C16orf96: variants seen among roughly 807,000 people sequenced by gnomAD.
C16orf96 encodes chromosome 16 open reading frame 96.
Under a neutral mutation model 103.6 loss-of-function variants are expected in C16orf96, and 108 were observed. That is an observed-to-expected ratio of 1.04 (90% CI 0.89 to 1.22). C16orf96 has a LOEUF of 1.22. Among genes scored for constraint, C16orf96 ranks in the 50% most tolerant of loss-of-function variants. The pLI is 0.00. For missense variants in C16orf96, 1,586 were observed against 1,464.2 expected (o/e 1.08, Z -1.36); for synonymous variants, 566 against 593.5 (o/e 0.95, Z 0.67).
intron 1 of C16orf96, among the ~76,000 whole-genome samples, chr16:4,567,510 T>C (rs2059394409): frequency 2.6e-5 from 4 of 151,368 alleles, no homozygotes. Context: ...ATGGTTTTGA[T>C]CTGACCTCAT....
At chr16:4,581,353 G>T (rs2059586720) in intron 7 of C16orf96, among the ~76,000 whole-genome samples, 1 of 149,840 alleles carries the variant, frequency 6.7e-6, no homozygotes, top group African/African-American at 2.5e-5. Flanking sequence ...AATAAAAAGG[G>T]CCAGGCGCGG....
intron 1 of C16orf96, chr16:4,563,027 GCTC>G (rs1289573046): frequency 2.8e-5 from 27 of 968,500 alleles, no homozygotes; most frequent in Non-Finnish European, 4.3e-5. Flanking sequence ...CTCTGCTGCT[GCTC>G]CTCTGTCAGA....
At position 4,593,193 on chromosome 16, in the gene C16orf96, CA is replaced by C; in HGVS notation, c.2775-30del. The C allele has an allele frequency of 6.5e-7, 1 of 1,546,822 alleles. No homozygotes were observed. The highest frequency in any genetic ancestry group is 8.7e-7 in the Non-Finnish European group (1 of 1,143,126). On this transcript the variant is annotated intron_variant, in intron 11 of 15. Transcript: ENST00000444310. The surrounding 1 kb of genome is among the most constrained non-coding windows in gnomAD (Gnocchi z 4.2). ...CTCTGCTGGCCTAGCACGCCTCCCA[CA>C]GCCCCTGCTGTGCCCTTGTCCTCCA...
rs1207125437 is a variant in C16orf96, at chr16:4,556,697, A to G, written c.208A>G (p.Ile70Val). 1.9e-6 allele frequency: 3 copies of G among 1,551,638 alleles called. No homozygotes were observed. Among genetic ancestry groups the G allele is most frequent in the South Asian group, 1.2e-5 (1 of 84,054 alleles). Reference protein sequence around the residue: ...IMPREGDAQPILNPMKRLSNV... With the variant: ...IMPREGDAQPVLNPMKRLSNV... ...GCCCAGGGAAGGAGACGCCCAGCCT[A>G]TCCTCAACCCCATGAAGAGGCTCAG... Residue 70 changes from isoleucine to valine, a missense_variant, in exon 1 of 16, where the codon ATC becomes GTC. Physicochemically the swap from Ile to Val is conservative, Grantham distance 29. Coordinates refer to ENST00000444310, the MANE Select transcript of C16orf96 (RefSeq NM_001145011.2).
the C16orf96 span, among the ~76,000 whole-genome samples, chr16:4,547,137 A>G: frequency 2.0e-5 from 3 of 151,918 alleles, no homozygotes; most frequent in African/African-American, 7.3e-5. Context: ...AAGACCACTT[A>G]TTGTTTTTCT....
intron 7 of C16orf96, among the ~76,000 whole-genome samples, chr16:4,585,988 G>A (rs935752484): frequency 2.0e-5 from 3 of 152,142 alleles, no homozygotes; most frequent in African/African-American, 4.8e-5. Context: ...AGCCAGGCGC[G>A]GTGGCTCACA....
chr16:4,574,633 C>A, intron 2 of C16orf96, 76 bp from the exon 3 acceptor site: 3 of 1,178,670 alleles, frequency 2.5e-6, no homozygotes, highest in Non-Finnish European at 3.7e-6. Context: ...AGCTCTTAGT[C>A]ACCTAGAGCC....
chr16:4,593,229 T>C lies in C16orf96; in HGVS notation c.2780T>C (p.Leu927Pro). Residue 927 changes from leucine (L) to proline (P), a missense_variant, in exon 12 of 16, where the codon CTG becomes CCG. By Grantham distance (98) the Leu-to-Pro change is moderately conservative (BLOSUM62 -3). Coordinates refer to ENST00000444310, the MANE Select transcript of C16orf96 (RefSeq NM_001145011.2). This position sits in a 1 kb window ranked among gnomAD's most constrained non-coding sequence, Gnocchi z 4.2. The part of the protein sequence containing the change: ...RPVEMMTGPQ[L>P]ITIRKAHLLS... Reference sequence around the variant, plus strand: ...GTGCCCTTGTCCTCCAACAGACAGCTGATCACCATCCGCAAAGCCCACCTG... The same window carrying C: ...GTGCCCTTGTCCTCCAACAGACAGCCGATCACCATCCGCAAAGCCCACCTG... The C allele has an allele frequency of 6.4e-7, 1 of 1,551,092 alleles. No homozygotes were observed. Among genetic ancestry groups the C allele is most frequent in the Non-Finnish European group, 8.7e-7 (1 of 1,146,818 alleles).
upstream of C16orf96, among the ~76,000 whole-genome samples, chr16:4,553,727 G>A (rs1047256689): frequency 6.6e-6 from 1 of 152,068 alleles, no homozygotes; most frequent in African/African-American, 2.4e-5. Context: ...CGCCCACTTT[G>A]GCCTCCCAAA....
chr16:4,556,251 A>T (rs1325321869), upstream of C16orf96, among the ~76,000 whole-genome samples: 1 of 152,092 alleles, frequency 6.6e-6, no homozygotes, highest in African/African-American at 2.4e-5. Flanking sequence ...ACCAGGGAGC[A>T]CCTGCCCCAC....
chr16:4,551,893 G>C (rs1326927504), upstream of C16orf96, among the ~76,000 whole-genome samples: 5 of 152,056 alleles, frequency 3.3e-5, no homozygotes, highest in Non-Finnish European at 7.4e-5. Flanking sequence ...TATTTGTCCT[G>C]ATGCTCTCCC....
chr16:4,556,500 C>T lies in C16orf96; in HGVS notation c.11C>T (p.Ser4Leu), dbSNP rs2059263385. MSF[S>L]LTFTELANIA... ...ACCCACCCTGGCAGGATGAGCTTCT[C>T]ACTCACGTTCACCGAGCTGGCCAAC... Residue 4 changes from serine (S) to leucine (L), a missense_variant, in exon 1 of 16, where the codon TCA becomes TTA. Ser to Leu is a moderately radical substitution (Grantham distance 145, BLOSUM62 -2). Transcript: ENST00000444310. 6.5e-7 allele frequency: 1 copy of T among 1,527,992 alleles called. No homozygotes were observed. The highest frequency in any genetic ancestry group is 1.2e-5 in the South Asian group (1 of 82,050). The allele number at this position is 1,527,992 out of a possible 1,614,324, so 94.7% of individuals were successfully genotyped here.
intron 1 of C16orf96, among the ~76,000 whole-genome samples, chr16:4,563,646 G>A (rs2059356103): frequency 6.6e-6 from 1 of 152,048 alleles, no homozygotes; most frequent in Non-Finnish European, 1.5e-5. Context: ...TTGGCTTACT[G>A]CAGCCTCTGC....
At chr16:4,562,919 A>G (rs551181914) in intron 1 of C16orf96, 173 of 1,417,826 alleles carry the variant, frequency 1.2e-4, no homozygotes, top group Non-Finnish European at 1.6e-4. Flanking sequence ...TTTCACCTTC[A>G]GGATCCATCC....
chr16:4,595,618 C>T (rs1030184740), intron 14 of C16orf96, among the ~76,000 whole-genome samples: 1 of 152,204 alleles, frequency 6.6e-6, no homozygotes. Context: ...AGCTACACGC[C>T]GCCCCATAAG....
Position 4,575,813 on chromosome 16 carries a change from C to T in C16orf96, c.1333C>T (p.Gln445Ter). ...PRPLQPYQSR[Q>*]GEALQLAAVQ... ...ACCACTCCAGCCATATCAGTCTCGCCAGGGAGAAGCCCTCCAGCTCGCAGC... is the reference window on the plus strand; with the variant it reads ...ACCACTCCAGCCATATCAGTCTCGCTAGGGAGAAGCCCTCCAGCTCGCAGC... The change falls in exon 5 of 16, where the codon CAG (glutamine) becomes TAG (stop). Residue 445 changes from glutamine (Q) to a stop codon, truncating the protein, a stop_gained. Coordinates refer to ENST00000444310, the MANE Select transcript of C16orf96 (RefSeq NM_001145011.2). LOFTEE classifies it high-confidence loss of function. The T allele has an allele frequency of 6.4e-7, 1 of 1,551,196 alleles. No individual in the cohort carries two copies. Among genetic ancestry groups the T allele is most frequent in the South Asian group, 1.2e-5 (1 of 84,066 alleles).
chr16:4,600,173 C>T lies in C16orf96; in HGVS notation c.3282C>T (p.Ser1094=), dbSNP rs1453581242. 9 of 1,551,524 alleles carry T rather than the reference C, an allele frequency of 5.8e-6. No individual in the cohort carries two copies. The highest frequency in any genetic ancestry group is 2.0e-5 in the Admixed American group (1 of 50,976). ...TGACGATGCCAGCTCGACCACCTTC[C>T]CTGCCACCTCTGCTGCTGCTGCCAC... is the stretch of plus-strand genomic sequence containing the variant. ...PHLTMPARPP[S]LPPLLLLPPL... The change falls in exon 16 of 16, where the codon TCC becomes TCT. Residue 1094 remains serine (S), a synonymous_variant. Coordinates refer to ENST00000444310, the MANE Select transcript of C16orf96 (RefSeq NM_001145011.2).
At chr16:4,579,054 G>A (rs1247378628) in intron 6 of C16orf96, 29 bp downstream of exon 6, 50 of 1,540,828 alleles carry the variant, frequency 3.2e-5, no homozygotes, top group Non-Finnish European at 4.4e-5. Flanking sequence ...GGGCTTTTGA[G>A]GCAGTGATGG....
rs980659276 is a variant in C16orf96 at position 4,575,748 on chromosome 16, C to G, written c.1268C>G (p.Ala423Gly). Residue 423 changes from alanine to glycine, a missense_variant, in exon 5 of 16, where the codon GCC (alanine) becomes GGC (glycine). Transcript: ENST00000444310. ...CCAACTCAGCCCCAACCCTCCAGGG[C>G]CCCACCACCAGCCACTGAGTTTGGC... ...LRPTQPQPSR[A>G]PPPATEFGSL... is the part of the protein sequence containing the mutation. 1 of 1,545,798 alleles carries G rather than the reference C, an allele frequency of 6.5e-7. No homozygotes were observed. Among genetic ancestry groups the G allele is most frequent in the Non-Finnish European group, 8.7e-7 (1 of 1,144,446 alleles).
Sources: gnomAD v4.1 joint callset for allele counts (sites outside exome capture counted in the v4.1 genomes callset) on GRCh38, gnomAD v4.1.1 for gene constraint, Gnocchi (gnomAD v3.1) non-coding constraint, MANE v1.5 for transcripts, NCBI Gene and HGNC (gene_info 2026-07-23, HGNC 2026-07-21) for gene names.